ARHGAP12: variants seen among roughly 807,000 people sequenced by gnomAD.
ARHGAP12 encodes the protein Rho GTPase activating protein 12.
In ARHGAP12, 64 loss-of-function variants were observed where a neutral mutation model predicts 108.6. The ratio of observed to expected loss-of-function variants is 0.59; its 90% CI spans 0.48 to 0.73. The LOEUF is 0.73. Ranked by LOEUF, ARHGAP12 falls within the 30% of genes least tolerant of loss-of-function variation. The probability of loss-of-function intolerance (pLI) is 0.00; values close to 1 mark genes in which losing one functional copy is unlikely to be tolerated. For synonymous variants in ARHGAP12, 312 were observed against 337.2 expected (o/e 0.93, Z 0.82); for missense variants, 940 against 1,005.9 (o/e 0.93, Z 0.89).
In ARHGAP12 at chr10:31,805,787, G is replaced by A. The variant is rs934051647; in HGVS notation, c.*1871C>T. On this transcript the variant is annotated 3_prime_UTR_variant, in exon 20 of 20. Coordinates refer to ENST00000344936, the MANE Select transcript of ARHGAP12 (RefSeq NM_018287.7). ...TGATTTGAGTCTAATTGTTTTCCTG[G>A]TATACAATCACTAAATAAGCAAGAT... 4.0e-5 allele frequency: 6 copies of A among 151,786 alleles called. No homozygotes were observed. Among genetic ancestry groups the A allele is most frequent in the African/African-American group, 1.5e-4 (6 of 41,284 alleles). The allele number at this position is 151,786 out of a possible 1,614,324, so 9.4% of individuals were successfully genotyped here.
chr10:31,902,889 G>A (rs1838987017), intron 3 of ARHGAP12, among the ~76,000 whole-genome samples: 1 of 152,088 alleles, frequency 6.6e-6, no homozygotes, highest in Admixed American at 6.6e-5. Context: ...TTTAAATGTG[G>A]ACTGAGAGTA....
chr10:31,896,254 A>T (rs1369064866), intron 3 of ARHGAP12, among the ~76,000 whole-genome samples: 2 of 150,396 alleles, frequency 1.3e-5, no homozygotes, highest in Admixed American at 6.6e-5. Flanking sequence ...TATATATATA[A>T]ATAAAATAAA....
At chr10:31,888,368 CTCTT>C (rs1470595561) in intron 3 of ARHGAP12, among the ~76,000 whole-genome samples, 1 of 152,194 alleles carries the variant, frequency 6.6e-6, no homozygotes, top group East Asian at 1.9e-4. Flanking sequence ...CCAAGACAGA[CTCTT>C]TCTCTGAGAT....
At chr10:31,826,610 T>G (rs1835621443) in intron 10 of ARHGAP12, among the ~76,000 whole-genome samples, 1 of 152,202 alleles carries the variant, frequency 6.6e-6, no homozygotes, top group South Asian at 2.1e-4. Context: ...ATCAGAGAAG[T>G]TATCAGAAAT....
chr10:31,829,285 G>A (rs1001152475), intron 10 of ARHGAP12, among the ~76,000 whole-genome samples: 10 of 152,052 alleles, frequency 6.6e-5, no homozygotes, highest in African/African-American at 2.4e-4. Flanking sequence ...AAATATCTAA[G>A]GTAGTCAAAA....
At position 31,807,734 on chromosome 10, in the gene ARHGAP12, A is replaced by G. The variant is rs1270766084; in HGVS notation, c.2465T>C (p.Ile822Thr). 6.2e-7 allele frequency: 1 copy of G among 1,609,398 alleles called. No individual in the cohort carries two copies. The highest frequency in any genetic ancestry group is 8.5e-7 in the Non-Finnish European group (1 of 1,178,136). ...LLKPEKETGNIAVHTVYQNQI... is the reference protein window; with the variant it reads ...LLKPEKETGNTAVHTVYQNQI... ...ATTCTGGTACACAGTATGAACTGCT[A>G]TATTACCAGTCTCTTTTTCTGGTTT... is the stretch of plus-strand genomic sequence containing the variant. Residue 822 changes from isoleucine (I) to threonine (T), a missense_variant, in exon 20 of 20, where the codon ATA becomes ACA. Coordinates refer to ENST00000344936, the MANE Select transcript of ARHGAP12 (RefSeq NM_018287.7).
At position 31,820,441 on chromosome 10, in the gene ARHGAP12, C is replaced by T; in HGVS notation, c.1578G>A (p.Gly526=). The stretch of plus-strand genomic sequence containing the variant: ...CCTTTGAAGCCATCTCAATTGTTGC[C>T]CCCTTGAGGTCCACTGTGAACTCTG... ...SKPEFTVDLK[G]ATIEMASKDK... Residue 526 remains glycine (G), a synonymous_variant, in exon 12 of 20, where the codon GGG becomes GGA. Coordinates refer to ENST00000344936, the MANE Select transcript of ARHGAP12 (RefSeq NM_018287.7). 4 of 1,611,816 alleles carry T rather than the reference C, an allele frequency of 2.5e-6. No individual in the cohort carries two copies. The highest frequency in any genetic ancestry group is 1.7e-5 in the Admixed American group (1 of 59,700).
Position 31,808,707 on chromosome 10 carries a change from T to C in ARHGAP12, c.2308A>G (p.Arg770Gly). The C allele has an allele frequency of 6.2e-7, 1 of 1,613,946 alleles. No individual in the cohort carries two copies. Among genetic ancestry groups the C allele is most frequent in the South Asian group, 1.1e-5 (1 of 91,084 alleles). The change falls in exon 19 of 20, where the codon AGA becomes GGA. Residue 770 changes from arginine to glycine, a missense_variant. Transcript: ENST00000344936. The part of the protein sequence containing the change: ...QRVAAVKDLI[R>G]QLPKPNQDTM... ...TCTTGGTTTGGCTTTGGCAACTGTCTGATTAGGTCCTTAACAGCAGCGACT... is the reference window on the plus strand; with the variant it reads ...TCTTGGTTTGGCTTTGGCAACTGTCCGATTAGGTCCTTAACAGCAGCGACT...
intron 3 of ARHGAP12, among the ~76,000 whole-genome samples, chr10:31,867,332 C>T (rs553335605): frequency 6.6e-6 from 1 of 151,936 alleles, no homozygotes; most frequent in South Asian, 2.1e-4. Flanking sequence ...TGATCTCTGG[C>T]AAAAAGAAAG....
intron 4 of ARHGAP12, among the ~76,000 whole-genome samples, chr10:31,859,025 A>G (rs982011966): frequency 2.0e-5 from 3 of 152,170 alleles, no homozygotes; most frequent in African/African-American, 7.2e-5. Flanking sequence ...ATAAGGATTA[A>G]AAATGCCAGA....
intron 6 of ARHGAP12, among the ~76,000 whole-genome samples, chr10:31,844,376 A>C (rs1836374476): frequency 6.6e-6 from 1 of 152,054 alleles, no homozygotes. Context: ...AACTGAAATT[A>C]ATCATTGAGC....
chr10:31,888,474 G>A (rs1257644610), intron 3 of ARHGAP12, among the ~76,000 whole-genome samples: 1 of 152,204 alleles, frequency 6.6e-6, no homozygotes, highest in African/African-American at 2.4e-5. Context: ...CTTGTCTACA[G>A]CCACGTGGAT....
At chr10:31,817,989 C>T in intron 12 of ARHGAP12, 103 bp from the exon 13 acceptor site, 4 of 785,334 alleles carry the variant, frequency 5.1e-6, no homozygotes, top group South Asian at 4.6e-5. Context: ...CCAAGAGTAG[C>T]TGCCATATAT....
intron 9 of ARHGAP12, among the ~76,000 whole-genome samples, chr10:31,833,433 G>T (rs1423791583): frequency 6.6e-6 from 1 of 151,924 alleles, no homozygotes; most frequent in African/African-American, 2.4e-5. Context: ...TAAGCCTAAG[G>T]ATGAGAGGGA....
intron 11 of ARHGAP12, among the ~76,000 whole-genome samples, chr10:31,825,402 A>G (rs1835566468): frequency 6.6e-6 from 1 of 152,178 alleles, no homozygotes; most frequent in African/African-American, 2.4e-5. Flanking sequence ...GACCAAATAC[A>G]TTTAGAATAA....
chr10:31,826,454 G>T, intron 10 of ARHGAP12, 69 bp from the exon 11 acceptor site: 1 of 1,256,906 alleles, frequency 8.0e-7, no homozygotes, highest in Non-Finnish European at 1.1e-6. Context: ...AAAAAATTAA[G>T]ACCTACTTAG....
chr10:31,876,546 C>CAAA (rs57573841), intron 3 of ARHGAP12, among the ~76,000 whole-genome samples: 95 of 136,666 alleles, frequency 7.0e-4, no homozygotes, highest in Admixed American at 3.1e-3. Context: ...AAAAAACCAC[C>CAAA]AAAAAAAAAA....
chr10:31,923,132 GAAAA>G (rs58930834), intron 1 of ARHGAP12, among the ~76,000 whole-genome samples: 10 of 83,212 alleles, frequency 1.2e-4, no homozygotes, highest in Non-Finnish European at 1.5e-4. Flanking sequence ...ACCCTAACAG[GAAAA>G]AAAAAAAAAA....
chr10:31,814,251 C>T lies in ARHGAP12; in HGVS notation c.1834+8G>A. On this transcript the variant is annotated splice_region_variant and intron_variant, in intron 14 of 19. Coordinates refer to ENST00000344936, the MANE Select transcript of ARHGAP12 (RefSeq NM_018287.7). ...AATCCTTAGCAAAATAGGGAAAGGA[C>T]AACTTACAACGAAGCTTTTTGGGAT... 1 of 1,610,190 alleles carries T rather than the reference C, an allele frequency of 6.2e-7. No homozygotes were observed. The highest frequency in any genetic ancestry group is 8.5e-7 in the Non-Finnish European group (1 of 1,176,578).
Sources: allele counts gnomAD v4.1 joint callset (sites outside exome capture counted in the v4.1 genomes callset), GRCh38; gene constraint gnomAD v4.1.1; transcripts MANE v1.5; gene names NCBI Gene and HGNC (gene_info 2026-07-23, HGNC 2026-07-21).